Variants in GABRB3 observed in about 807,000 individuals in gnomAD.
GABRB3 encodes the protein gamma-aminobutyric acid type A receptor subunit beta3.
A neutral mutation model predicts 52.1 loss-of-function variants in GABRB3; 14 were observed. The observed-to-expected ratio is 0.27, with a 90% CI of 0.18 to 0.42. The LOEUF is 0.42. Ranked by LOEUF, GABRB3 falls within the 10% of genes least tolerant of loss-of-function variation. The pLI is 1.00. For synonymous variants in GABRB3, 260 were observed against 232.3 expected (o/e 1.12, Z -1.08); for missense variants, 307 against 609.1 (o/e 0.50, Z 5.22).
chr15:26,603,871 A>G (rs1187863672), intron 4 of GABRB3, among the ~76,000 whole-genome samples: 3 of 152,138 alleles, frequency 2.0e-5, no homozygotes, highest in Non-Finnish European at 4.4e-5. Context: ...GAACATGATA[A>G]GGAATCTCAC....
chr15:26,629,655 C>A (rs1892856206), intron 3 of GABRB3, among the ~76,000 whole-genome samples: 1 of 152,174 alleles, frequency 6.6e-6, no homozygotes, highest in African/African-American at 2.4e-5. Flanking sequence ...GGTGGTAACA[C>A]TCCACTTCTC....
chr15:26,640,694 A>G (rs1893178257), intron 3 of GABRB3, among the ~76,000 whole-genome samples: 1 of 152,228 alleles, frequency 6.6e-6, no homozygotes, highest in African/African-American at 2.4e-5. Context: ...TACTGTGAGA[A>G]CAATAATTCA....
At chr15:26,758,865 T>C (rs1462740166) in intron 3 of GABRB3, among the ~76,000 whole-genome samples, 1 of 152,224 alleles carries the variant, frequency 6.6e-6, no homozygotes, top group Non-Finnish European at 1.5e-5. Flanking sequence ...GCAAATGACT[T>C]ATTTACTCTC....
chr15:26,627,028 C>T (rs1425806371), intron 3 of GABRB3, among the ~76,000 whole-genome samples: 1 of 152,146 alleles, frequency 6.6e-6, no homozygotes, highest in Non-Finnish European at 1.5e-5. Context: ...TTGCTAGGGG[C>T]TAATTGCAGC....
chr15:26,659,861 T>C (rs1367808252), intron 3 of GABRB3, among the ~76,000 whole-genome samples: 1 of 152,104 alleles, frequency 6.6e-6, no homozygotes, highest in Non-Finnish European at 1.5e-5. Context: ...GTTGCCAGTA[T>C]TGTCAGGAAT....
chr15:26,587,111 C>A (rs550150846), intron 4 of GABRB3, among the ~76,000 whole-genome samples: 1 of 152,274 alleles, frequency 6.6e-6, no homozygotes, highest in Non-Finnish European at 1.5e-5. Context: ...TTAATTATTT[C>A]ACATTAGATT....
chr15:26,668,890 T>A (rs937729080), intron 3 of GABRB3, among the ~76,000 whole-genome samples: 5 of 152,172 alleles, frequency 3.3e-5, no homozygotes, highest in African/African-American at 1.2e-4. Flanking sequence ...GGGTGATTGA[T>A]TCATAAATGA....
intron 3 of GABRB3, among the ~76,000 whole-genome samples, chr15:26,677,553 AC>A (rs1215445778): frequency 6.6e-6 from 1 of 151,908 alleles, no homozygotes; most frequent in Non-Finnish European, 1.5e-5. Context: ...AGAAGATACC[AC>A]CCACCCAATT....
chr15:26,753,750 G>A (rs150355462), intron 3 of GABRB3, among the ~76,000 whole-genome samples: 189 of 152,274 alleles, frequency 1.2e-3, no homozygotes, highest in African/African-American at 4.4e-3. Context: ...AGTGAATGTG[G>A]GTACAGGAAA....
At chr15:26,768,836 T>G (rs1293783873) in intron 3 of GABRB3, among the ~76,000 whole-genome samples, 1 of 152,024 alleles carries the variant, frequency 6.6e-6, no homozygotes, top group Admixed American at 6.6e-5. Flanking sequence ...AAAGAAACAT[T>G]AAAAGATTTA....
Position 26,546,820 on chromosome 15 carries a change from G to T in GABRB3, c.*973C>A, listed in dbSNP as rs1223008673. ...TATTAACATACAATGTTATAAGAAT[G>T]ATAACATAACTGCAAGGGGGAAAAT... On this transcript the variant is annotated 3_prime_UTR_variant, in exon 9 of 9. Transcript: ENST00000311550. The T allele has an allele frequency of 2.0e-5, 3 of 151,900 alleles. No homozygotes were observed. The highest frequency in any genetic ancestry group is 4.4e-5 in the Non-Finnish European group (3 of 67,982). The allele number at this position is 151,900 out of a possible 1,614,324, so 9.4% of individuals were successfully genotyped here. A position where few individuals can be genotyped will look rare whatever the true frequency, so the allele number is the denominator to read the frequency against.
intron 3 of GABRB3, among the ~76,000 whole-genome samples, chr15:26,755,526 A>C (rs1371899055): frequency 8.5e-5 from 13 of 152,160 alleles, no homozygotes; most frequent in Admixed American, 7.2e-4. Context: ...ATTTTTTACT[A>C]TTATATGAGA....
At chr15:26,699,510 AC>A (rs1292993038) in intron 3 of GABRB3, among the ~76,000 whole-genome samples, 4 of 152,160 alleles carry the variant, frequency 2.6e-5, no homozygotes, top group African/African-American at 7.2e-5. Flanking sequence ...AAAACTCAAA[AC>A]TTTTTTAAAT....
intron 4 of GABRB3, among the ~76,000 whole-genome samples, chr15:26,607,056 A>G (rs371582055): frequency 3.6e-4 from 55 of 152,254 alleles, no homozygotes; most frequent in African/African-American, 1.2e-3. Flanking sequence ...GCATTCAAAA[A>G]AGGCAAACGC....
At chr15:26,730,807 T>G (rs984264575) in intron 3 of GABRB3, among the ~76,000 whole-genome samples, 2 of 152,188 alleles carry the variant, frequency 1.3e-5, no homozygotes, top group Non-Finnish European at 2.9e-5. Flanking sequence ...AATTGCTCAA[T>G]CCAAATACAC....
intron 3 of GABRB3, among the ~76,000 whole-genome samples, chr15:26,706,499 C>G (rs1220756568): frequency 1.3e-5 from 2 of 150,830 alleles, no homozygotes; most frequent in Non-Finnish European, 2.9e-5. Context: ...ATATTCATTG[C>G]TTCATCAAAC....
At chr15:26,585,364 A>G (rs1171216843) in intron 4 of GABRB3, among the ~76,000 whole-genome samples, 1 of 152,164 alleles carries the variant, frequency 6.6e-6, no homozygotes, top group Non-Finnish European at 1.5e-5. Flanking sequence ...AATATTCACA[A>G]CAAACCTACT....
chr15:26,554,043 A>ATATATATATATT (rs1487375439), intron 8 of GABRB3, among the ~76,000 whole-genome samples: 3 of 108,132 alleles, frequency 2.8e-5, no homozygotes, highest in African/African-American at 1.1e-4. Context: ...ATATTTATTT[A>ATATATATATATT]TTTATATTTA....
chr15:26,553,674 C>T (rs1038195282), intron 8 of GABRB3, among the ~76,000 whole-genome samples: 1 of 152,038 alleles, frequency 6.6e-6, no homozygotes, highest in East Asian at 1.9e-4. Context: ...TGCACTTCCA[C>T]GAAGGGGCTG....
Sources: gnomAD v4.1 joint callset for allele counts (sites outside exome capture counted in the v4.1 genomes callset) on GRCh38, gnomAD v4.1.1 for gene constraint, MANE v1.5 for transcripts, NCBI Gene and HGNC (gene_info 2026-07-23, HGNC 2026-07-21) for gene names.